Variants in NSMCE1 observed in about 807,000 individuals in gnomAD.
NSMCE1 encodes the protein non-structural maintenance of chromosomes element 1 homolog.
In NSMCE1, 18 loss-of-function variants were observed where a neutral mutation model predicts 29.6. The ratio of observed to expected loss-of-function variants is 0.61; its 90% confidence interval spans 0.42 to 0.90. The LOEUF is 0.90. Among genes scored for constraint, NSMCE1 ranks in the 40% least tolerant of loss-of-function variants. The pLI, the probability that NSMCE1 is intolerant of heterozygous loss-of-function variation, is 0.00. For synonymous variants in NSMCE1, 124 were observed against 133.4 expected, an observed-to-expected ratio of 0.93 and a Z score of 0.49; for missense variants, 314 against 343.6, an observed-to-expected ratio of 0.91 and a Z score of 0.68.
At chr16:27,256,757 G>A (rs79534971) in intron 2 of NSMCE1, among the ~76,000 whole-genome samples, 3,253 of 152,270 alleles carry the variant, frequency 0.021, 116 homozygotes, top group African/African-American at 0.073. Context: ...GGCCCCGTAA[G>A]ATGCCCCAAA....
chr16:27,256,650 A>G (rs1346781377), intron 2 of NSMCE1, among the ~76,000 whole-genome samples: 2 of 152,208 alleles, frequency 1.3e-5, no homozygotes, highest in Non-Finnish European at 2.9e-5. Context: ...CGACTGATCT[A>G]TCAACACTGA....
chr16:27,249,626 C>G (rs116364541), intron 2 of NSMCE1, among the ~76,000 whole-genome samples: 2,180 of 152,280 alleles, frequency 0.014, 44 homozygotes, highest in African/African-American at 0.049. Flanking sequence ...TTCCCTTCAT[C>G]TGTTTGTCCA....
intron 1 of NSMCE1, chr16:27,266,604 G>A (rs771888785): frequency 2.0e-5 from 3 of 150,120 alleles, no homozygotes; most frequent in East Asian, 2.0e-4. Context: ...GCGACAGGGC[G>A]AGACTCTGTC....
At chr16:27,236,813 G>A (rs1276292593) in intron 2 of NSMCE1, among the ~76,000 whole-genome samples, 6 of 152,224 alleles carry the variant, frequency 3.9e-5, no homozygotes, top group Non-Finnish European at 7.3e-5. Context: ...GTTACCCACT[G>A]GACTGACGAC....
At chr16:27,243,676 G>C (rs1026429885) in intron 2 of NSMCE1, among the ~76,000 whole-genome samples, 17 of 152,116 alleles carry the variant, frequency 1.1e-4, no homozygotes, top group African/African-American at 4.1e-4. Context: ...TTAGAGATGG[G>C]GTCTCGCTCT....
chr16:27,234,229 T>C lies in NSMCE1; in HGVS notation c.295A>G (p.Thr99Ala). ...LATTSISKMA[T>A]DFAENELDLF... ...TCCAGTTCATTCTCTGCAAAATCCG[T>C]AGCCATTTTGGAAATTGAAGTTGTA... is the stretch of plus-strand genomic sequence containing the variant. The change falls in exon 4 of 8, where the codon ACG becomes GCG. Residue 99 changes from threonine (T) to alanine (A), a missense_variant. Transcript: ENST00000361439. 1 of 1,613,646 alleles carries C rather than the reference T, an allele frequency of 6.2e-7. No individual in the cohort carries two copies. Among genetic ancestry groups the C allele is most frequent in the Non-Finnish European group, 8.5e-7 (1 of 1,179,500 alleles).
chr16:27,251,159 A>AATATATAT (rs1166070119), intron 2 of NSMCE1, among the ~76,000 whole-genome samples: 739 of 65,652 alleles, frequency 0.011, 9 homozygotes, highest in Middle Eastern at 0.027. Flanking sequence ...AATTATTTAA[A>AATATATAT]ATATATATAT....
intron 5 of NSMCE1, among the ~76,000 whole-genome samples, chr16:27,227,404 G>A (rs2083710091): frequency 6.6e-6 from 1 of 152,266 alleles, no homozygotes; most frequent in African/African-American, 2.4e-5. Context: ...ACTGTGGGCA[G>A]TGGAGCCTCC....
chr16:27,231,456 G>C (rs1319386817), intron 5 of NSMCE1, among the ~76,000 whole-genome samples: 4 of 152,200 alleles, frequency 2.6e-5, no homozygotes, highest in Non-Finnish European at 5.9e-5. Flanking sequence ...GGTCAACATG[G>C]AGGAACCCCG....
intron 1 of NSMCE1, among the ~76,000 whole-genome samples, chr16:27,264,350 A>G (rs775913955): frequency 1.2e-4 from 18 of 152,218 alleles, no homozygotes; most frequent in Non-Finnish European, 2.6e-4. Context: ...TCCAGCCAGG[A>G]TGACAGAGTA....
At chr16:27,228,928 C>T (rs2083734440) in intron 5 of NSMCE1, among the ~76,000 whole-genome samples, 2 of 151,964 alleles carry the variant, frequency 1.3e-5, no homozygotes, top group African/African-American at 4.8e-5. Flanking sequence ...CCTCCCCGGC[C>T]TCCACCCTCT....
intron 1 of NSMCE1, 31 bp from the exon 2 acceptor site, chr16:27,257,612 C>T (rs1032394962): frequency 5.7e-6 from 9 of 1,569,316 alleles, no homozygotes; most frequent in Admixed American, 1.9e-5. Flanking sequence ...ACTAGTCAAC[C>T]CCAAGCACAT....
At chr16:27,255,427 G>C (rs183287327) in intron 2 of NSMCE1, among the ~76,000 whole-genome samples, 2 of 152,278 alleles carry the variant, frequency 1.3e-5, no homozygotes, top group East Asian at 3.9e-4. Flanking sequence ...TTCATGATCT[G>C]CAAACCTACA....
intron 2 of NSMCE1, among the ~76,000 whole-genome samples, chr16:27,251,191 AATATATATATATAT>A (rs58108385): frequency 6.2e-5 from 2 of 32,356 alleles, no homozygotes; most frequent in African/African-American, 3.1e-4. Context: ...TATATATATA[AATATATATATATAT>A]ATAAAACTCT....
At chr16:27,254,250 AT>A (rs2141006739) in intron 2 of NSMCE1, among the ~76,000 whole-genome samples, 1 of 152,250 alleles carries the variant, frequency 6.6e-6, no homozygotes, top group Non-Finnish European at 1.5e-5. Flanking sequence ...GTTTTTTGGC[AT>A]TTTTCTTAAA....
rs905141654 is a variant in NSMCE1, at chr16:27,232,127, G to A, written c.483+874C>T. On this transcript the variant is annotated intron_variant, in intron 5 of 7. Transcript: ENST00000361439. This position sits in a 1 kb window ranked among gnomAD's most constrained non-coding sequence, Gnocchi z 4.5. Reference sequence around the variant, plus strand: ...ACGCGAGCCTTCCTGAAAAGGAAGCGGAGAATCGCTGCAGCCACAAGCAGC... The same window carrying A: ...ACGCGAGCCTTCCTGAAAAGGAAGCAGAGAATCGCTGCAGCCACAAGCAGC... Among the ~76,000 whole-genome samples the A allele has an allele frequency of 1.3e-5, 2 of 152,122 alleles. No homozygotes were observed. The highest frequency in any genetic ancestry group is 2.1e-4 in the South Asian group (1 of 4,824).
intron 2 of NSMCE1, among the ~76,000 whole-genome samples, chr16:27,254,421 A>G (rs1454869318): frequency 6.6e-6 from 1 of 152,230 alleles, no homozygotes; most frequent in Non-Finnish European, 1.5e-5. Flanking sequence ...AGGTCAAATA[A>G]AGGCAAAAAC....
chr16:27,243,393 C>T (rs2083914556), intron 2 of NSMCE1, among the ~76,000 whole-genome samples: 1 of 152,170 alleles, frequency 6.6e-6, no homozygotes, highest in African/African-American at 2.4e-5. Flanking sequence ...AGGAATGGAC[C>T]GTGTTACACT....
chr16:27,256,029 A>G (rs758404220), intron 2 of NSMCE1, among the ~76,000 whole-genome samples: 1 of 152,150 alleles, frequency 6.6e-6, no homozygotes, highest in Non-Finnish European at 1.5e-5. Flanking sequence ...CACTGCAAGG[A>G]GCTACAGGAT....
Sources: gnomAD v4.1 joint callset for allele counts (sites outside exome capture counted in the v4.1 genomes callset) on GRCh38, gnomAD v4.1.1 for gene constraint, Gnocchi (gnomAD v3.1) non-coding constraint, MANE v1.5 for transcripts, NCBI Gene and HGNC (gene_info 2026-07-23, HGNC 2026-07-21) for gene names.